BICC1: variants seen among roughly 807,000 people sequenced by gnomAD.
BICC1 encodes BicC family RNA binding protein 1.
BICC1 carries 43 observed loss-of-function variants against 111.0 expected under a neutral mutation model. The observed-to-expected ratio is 0.39, with a 90% confidence interval of 0.30 to 0.50. The LOEUF is 0.50. Among genes scored for constraint, BICC1 ranks in the 20% least tolerant of loss-of-function variants. The pLI, the probability that BICC1 is intolerant of heterozygous loss-of-function variation, is 0.88. For synonymous variants in BICC1, 467 were observed against 434.4 expected, an observed-to-expected ratio of 1.07 and a Z score of -0.93; for missense variants, 1,091 against 1,203.2, an observed-to-expected ratio of 0.91 and a Z score of 1.38.
At chr10:58,781,064 G>GAT (rs1188436664) in intron 3 of BICC1, among the ~76,000 whole-genome samples, 3 of 152,110 alleles carry the variant, frequency 2.0e-5, no homozygotes, top group African/African-American at 7.2e-5. Flanking sequence ...CTATTACTTA[G>GAT]AGAAGGTTGG....
At chr10:58,679,104 C>CCTAA (rs1335855702) in intron 2 of BICC1, among the ~76,000 whole-genome samples, 8 of 151,904 alleles carry the variant, frequency 5.3e-5, no homozygotes, top group Admixed American at 5.2e-4. Context: ...AAATTGACAC[C>CCTAA]CTAACATCAC....
intron 2 of BICC1, among the ~76,000 whole-genome samples, chr10:58,649,036 T>C (rs1564530921): frequency 6.6e-6 from 1 of 152,130 alleles, no homozygotes; most frequent in African/African-American, 2.4e-5. Context: ...CAAACCACCC[T>C]ACTACCCTGA....
intron 2 of BICC1, among the ~76,000 whole-genome samples, chr10:58,628,460 GC>G (rs1285052946): frequency 1.3e-5 from 2 of 151,938 alleles, no homozygotes; most frequent in Non-Finnish European, 2.9e-5. Flanking sequence ...TCATCCATTT[GC>G]CCTTGTTTTG....
At chr10:58,791,398 C>T (rs540313481) in intron 8 of BICC1, among the ~76,000 whole-genome samples, 5 of 152,222 alleles carry the variant, frequency 3.3e-5, no homozygotes, top group South Asian at 4.2e-4. Context: ...GGCTTTAACC[C>T]GTATTTTAAA....
At chr10:58,679,272 AATAG>A (rs1280918595) in intron 2 of BICC1, among the ~76,000 whole-genome samples, 2 of 152,196 alleles carry the variant, frequency 1.3e-5, no homozygotes, top group Admixed American at 6.5e-5. Context: ...AGATCAACAA[AATAG>A]ATAGACTGCT....
intron 2 of BICC1, among the ~76,000 whole-genome samples, chr10:58,674,143 A>G (rs1413479574): frequency 3.3e-5 from 5 of 152,216 alleles, no homozygotes; most frequent in African/African-American, 9.6e-5. Context: ...ATGTCTGGCT[A>G]TTTTGTGCCA....
intron 1 of BICC1, among the ~76,000 whole-genome samples, chr10:58,599,814 G>C (rs1844965997): frequency 6.6e-6 from 1 of 151,920 alleles, no homozygotes; most frequent in Non-Finnish European, 1.5e-5. Flanking sequence ...TTTAAGAGTG[G>C]GAGGGTGATG....
chr10:58,697,818 G>A (rs1176731875), intron 2 of BICC1, among the ~76,000 whole-genome samples: 1 of 151,754 alleles, frequency 6.6e-6, no homozygotes, highest in East Asian at 1.9e-4. Flanking sequence ...CCCTGCAGGA[G>A]ATGTGCTTGT....
At chr10:58,729,001 A>C (rs1469190978) in intron 3 of BICC1, among the ~76,000 whole-genome samples, 1 of 152,222 alleles carries the variant, frequency 6.6e-6, no homozygotes, top group Non-Finnish European at 1.5e-5. Flanking sequence ...TATAGAGAAC[A>C]GGCAGAGTAG....
intron 3 of BICC1, among the ~76,000 whole-genome samples, chr10:58,776,762 T>C (rs549122830): frequency 1.3e-5 from 2 of 152,300 alleles, no homozygotes; most frequent in African/African-American, 4.8e-5. Flanking sequence ...AACTGTTATA[T>C]ACAAACCATT....
chr10:58,698,913 C>G (rs1047802433), intron 2 of BICC1, among the ~76,000 whole-genome samples: 1 of 152,222 alleles, frequency 6.6e-6, no homozygotes, highest in African/African-American at 2.4e-5. Flanking sequence ...AGTCCCTGCT[C>G]ATAATGGCTA....
chr10:58,543,090 C>T (rs1270900149), intron 1 of BICC1, among the ~76,000 whole-genome samples: 1 of 151,976 alleles, frequency 6.6e-6, no homozygotes, highest in Non-Finnish European at 1.5e-5. Flanking sequence ...AGCATTATTT[C>T]CAGTAGCTAA....
chr10:58,683,240 A>G (rs575231639), intron 2 of BICC1, among the ~76,000 whole-genome samples: 1 of 152,140 alleles, frequency 6.6e-6, no homozygotes, highest in African/African-American at 2.4e-5. Context: ...CCATTGGTCT[A>G]TATCTCTGTT....
At chr10:58,705,726 G>T (rs935180587) in intron 3 of BICC1, among the ~76,000 whole-genome samples, 1 of 152,136 alleles carries the variant, frequency 6.6e-6, no homozygotes, top group Non-Finnish European at 1.5e-5. Flanking sequence ...AGATTCAGGG[G>T]TACATGTGCA....
intron 3 of BICC1, among the ~76,000 whole-genome samples, chr10:58,732,934 A>C (rs1335890917): frequency 2.0e-5 from 3 of 152,216 alleles, no homozygotes; most frequent in Admixed American, 6.5e-5. Flanking sequence ...AAAACATGAC[A>C]CAGAAACACA....
chr10:58,564,936 G>A (rs1460210623), intron 1 of BICC1, among the ~76,000 whole-genome samples: 1 of 152,098 alleles, frequency 6.6e-6, no homozygotes, highest in Non-Finnish European at 1.5e-5. Flanking sequence ...TAGGAAAGAA[G>A]GAATTACTCA....
At chr10:58,628,672 T>C (rs1398970099) in intron 2 of BICC1, among the ~76,000 whole-genome samples, 4 of 152,160 alleles carry the variant, frequency 2.6e-5, no homozygotes, top group Non-Finnish European at 4.4e-5. Flanking sequence ...GGATAGAGCC[T>C]GGCCAGTGCA....
At chr10:58,655,786 T>C (rs1838622913) in intron 2 of BICC1, among the ~76,000 whole-genome samples, 2 of 137,564 alleles carry the variant, frequency 1.5e-5, no homozygotes, top group Non-Finnish European at 3.1e-5. Context: ...ATGCTTCCAG[T>C]TTTTGCCCAT....
intron 2 of BICC1, among the ~76,000 whole-genome samples, chr10:58,677,610 T>G (rs534594812): frequency 2.6e-5 from 4 of 152,196 alleles, no homozygotes; most frequent in Non-Finnish European, 5.9e-5. Context: ...TGGAACCAAG[T>G]TGGAAAACAC....
Sources: allele counts gnomAD v4.1 joint callset (sites outside exome capture counted in the v4.1 genomes callset), GRCh38; gene constraint gnomAD v4.1.1; transcripts MANE v1.5; gene names NCBI Gene and HGNC (gene_info 2026-07-23, HGNC 2026-07-21).